Variants in VAT1L observed in about 807,000 individuals in gnomAD.
The protein encoded by VAT1L is vesicle amine transport 1 like.
VAT1L carries 34 observed loss-of-function variants against 44.1 expected under a neutral mutation model. That is an observed-to-expected ratio of 0.77 (90% CI 0.59 to 1.03). The LOEUF is 1.03. VAT1L is among the 50% of genes least tolerant of loss of function. The pLI is 0.00. For synonymous variants in VAT1L, 253 were observed against 202.2 expected, an observed-to-expected ratio of 1.25 and a Z score of -2.13; for missense variants, 615 against 538.8, an observed-to-expected ratio of 1.14 and a Z score of -1.40.
Position 77,862,831 on chromosome 16 carries a change from C to CA in VAT1L, c.666dup (p.Asp223ArgfsTer8). Reference sequence around the variant, plus strand: ...CCTCTACTTTCAAGCATGAAGCAATCAAAGACTCTGTGACCCACCTCTTTG... The same window carrying CA: ...CCTCTACTTTCAAGCATGAAGCAATCAAAAGACTCTGTGACCCACCTCTTTG... On this transcript the variant is annotated frameshift_variant, in exon 4 of 9. Coordinates refer to ENST00000302536, the MANE Select transcript of VAT1L (RefSeq NM_020927.3). LOFTEE classifies it high-confidence loss of function. The CA allele has an allele frequency of 3.1e-6, 5 of 1,614,050 alleles. No individual in the cohort carries two copies. Among genetic ancestry groups the CA allele is most frequent in the Non-Finnish European group, 4.2e-6 (5 of 1,180,000 alleles).
At chr16:77,969,675 G>A (rs141813128) in intron 7 of VAT1L, among the ~76,000 whole-genome samples, 42 of 152,144 alleles carry the variant, frequency 2.8e-4, no homozygotes, top group Non-Finnish European at 4.9e-4. Context: ...CTATTCTGTT[G>A]CTTAGAAGCA....
At chr16:77,832,240 C>T (rs553574261) in intron 3 of VAT1L, among the ~76,000 whole-genome samples, 47 of 152,130 alleles carry the variant, frequency 3.1e-4, no homozygotes, top group African/African-American at 9.6e-4. Flanking sequence ...TTCAACCTCT[C>T]GGTAAAACTA....
At chr16:77,953,433 T>C (rs964016986) in intron 7 of VAT1L, among the ~76,000 whole-genome samples, 1 of 152,248 alleles carries the variant, frequency 6.6e-6, no homozygotes, top group Non-Finnish European at 1.5e-5. Context: ...CTAGTCCTTG[T>C]CTGTATGCAA....
At chr16:77,852,356 G>A (rs1206386119) in intron 3 of VAT1L, among the ~76,000 whole-genome samples, 1 of 152,214 alleles carries the variant, frequency 6.6e-6, no homozygotes, top group Non-Finnish European at 1.5e-5. Context: ...GCTCCGTGAG[G>A]ACGGGGTGTC....
At chr16:77,802,615 A>AACACACAC (rs57906062) in intron 1 of VAT1L, among the ~76,000 whole-genome samples, 45 of 112,042 alleles carry the variant, frequency 4.0e-4, no homozygotes, top group East Asian at 9.7e-4. Context: ...CCCCATCTCA[A>AACACACAC]ACACACACAC....
intron 7 of VAT1L, among the ~76,000 whole-genome samples, chr16:77,899,752 C>A (rs2017361141): frequency 6.6e-6 from 1 of 152,224 alleles, no homozygotes; most frequent in Admixed American, 6.5e-5. Context: ...CTCACCCAAC[C>A]TTTCCAGGGT....
At position 77,884,741 on chromosome 16, in the gene VAT1L, T is replaced by C. The variant is rs148230342; in HGVS notation, c.1016T>C (p.Ile339Thr). The change falls in exon 7 of 9, where the codon ATA becomes ACA. Residue 339 changes from isoleucine (I) to threonine (T), a missense_variant. By Grantham distance (89) the Ile-to-Thr change is moderately conservative. Coordinates refer to ENST00000302536, the MANE Select transcript of VAT1L (RefSeq NM_020927.3). The surrounding 1 kb of genome is among the most constrained non-coding windows in gnomAD (Gnocchi z 4.5). ...ATTCGGGGAGTGGTGGAAAAACTCATAGGGCTCTACAACCAGAAGAAGATC... is the reference window on the plus strand; with the variant it reads ...ATTCGGGGAGTGGTGGAAAAACTCACAGGGCTCTACAACCAGAAGAAGATC... Reference protein sequence around the residue: ...GLIRGVVEKLIGLYNQKKIKP... With the variant: ...GLIRGVVEKLTGLYNQKKIKP... 78 of 1,599,202 alleles carry C rather than the reference T, an allele frequency of 4.9e-5. No individual in the cohort carries two copies. Among genetic ancestry groups the C allele is most frequent in the African/African-American group, 1.9e-4 (14 of 74,270 alleles).
At chr16:77,817,323 T>A (rs1231265610) in intron 2 of VAT1L, among the ~76,000 whole-genome samples, 5 of 152,192 alleles carry the variant, frequency 3.3e-5, no homozygotes, top group Non-Finnish European at 7.3e-5. Context: ...ACAAAAGTAT[T>A]TGGCATTTGG....
chr16:77,840,272 G>C (rs916318374), intron 3 of VAT1L, among the ~76,000 whole-genome samples: 2 of 152,190 alleles, frequency 1.3e-5, no homozygotes, highest in Admixed American at 6.5e-5. Context: ...AGGTGGGGAG[G>C]CAGGGAGGCA....
intron 8 of VAT1L, among the ~76,000 whole-genome samples, chr16:77,972,162 G>A (rs576914181): frequency 6.6e-6 from 1 of 152,270 alleles, no homozygotes; most frequent in East Asian, 1.9e-4. Context: ...GCAATCTGAA[G>A]GCATAGGCAG....
chr16:77,801,241 A>T (rs1282269081), intron 1 of VAT1L: 1 of 152,154 alleles, frequency 6.6e-6, no homozygotes, highest in East Asian at 1.9e-4. Flanking sequence ...TGATGAAGAA[A>T]GTGAAGGAAT....
chr16:77,962,779 A>AAGGAAGGAAGGAAGGAAG (rs1194896172), intron 7 of VAT1L, among the ~76,000 whole-genome samples: 43 of 44,234 alleles, frequency 9.7e-4, no homozygotes, highest in Non-Finnish European at 1.5e-3. Context: ...AAGGAAGGAA[A>AAGGAAGGAAGGAAGGAAG]GAAAGAGAAA....
intron 7 of VAT1L, among the ~76,000 whole-genome samples, chr16:77,963,776 A>G (rs1377696544): frequency 6.6e-6 from 1 of 152,004 alleles, no homozygotes. Flanking sequence ...GCATTTGGTA[A>G]ACAGGGGAAT....
At chr16:77,805,827 CT>C (rs1377186018) in intron 1 of VAT1L, among the ~76,000 whole-genome samples, 2 of 139,592 alleles carry the variant, frequency 1.4e-5, no homozygotes, top group African/African-American at 5.1e-5. Context: ...TATTTATCTG[CT>C]TGTTACTTTT....
intron 5 of VAT1L, among the ~76,000 whole-genome samples, chr16:77,877,793 G>C (rs776982916): frequency 5.3e-5 from 8 of 152,070 alleles, no homozygotes; most frequent in Non-Finnish European, 1.0e-4. Context: ...GTCATCTTCA[G>C]ACCATTGTAA....
At chr16:77,963,873 T>C (rs1265233194) in intron 7 of VAT1L, among the ~76,000 whole-genome samples, 1 of 152,160 alleles carries the variant, frequency 6.6e-6, no homozygotes, top group Non-Finnish European at 1.5e-5. Flanking sequence ...AGACGAGCTG[T>C]CTCACTAGCA....
At chr16:77,953,097 G>A (rs1418550662) in intron 7 of VAT1L, among the ~76,000 whole-genome samples, 1 of 152,080 alleles carries the variant, frequency 6.6e-6, no homozygotes, top group Non-Finnish European at 1.5e-5. Context: ...TATGATGATG[G>A]AGGCAGAGAC....
intron 1 of VAT1L, among the ~76,000 whole-genome samples, chr16:77,802,587 C>A (rs1326703660): frequency 6.6e-6 from 1 of 150,628 alleles, no homozygotes; most frequent in Non-Finnish European, 1.5e-5. Flanking sequence ...GCACTCCAGT[C>A]TGGGCAACAG....
intron 4 of VAT1L, among the ~76,000 whole-genome samples, chr16:77,875,964 T>C (rs2017082955): frequency 6.6e-6 from 1 of 152,134 alleles, no homozygotes; most frequent in Non-Finnish European, 1.5e-5. Context: ...GCTCTACACA[T>C]AGGAGTTGCC....
Sources: gnomAD v4.1 joint callset for allele counts (sites outside exome capture counted in the v4.1 genomes callset) on GRCh38, gnomAD v4.1.1 for gene constraint, Gnocchi (gnomAD v3.1) non-coding constraint, MANE v1.5 for transcripts, NCBI Gene and HGNC (gene_info 2026-07-23, HGNC 2026-07-21) for gene names.